The following NLGN1 variants were observed in gnomAD, a reference collection of about 807,000 sequenced individuals.
The protein encoded by NLGN1 is neuroligin-1.
NLGN1 carries 12 observed loss-of-function variants against 65.5 expected under a neutral mutation model. That is an observed-to-expected ratio of 0.18 (90% confidence interval 0.12 to 0.30). NLGN1 has a LOEUF of 0.30. Ranked by LOEUF, NLGN1 falls within the 10% of genes least tolerant of loss-of-function variation. The pLI is 1.00. For missense variants in NLGN1, 750 were observed against 1,007.1 expected, an observed-to-expected ratio of 0.74 and a Z score of 3.46; for synonymous variants, 350 against 359.5, an observed-to-expected ratio of 0.97 and a Z score of 0.30.
At chr3:173,567,908 A>G (rs917315126) in intron 2 of NLGN1, among the ~76,000 whole-genome samples, 2 of 152,256 alleles carry the variant, frequency 1.3e-5, no homozygotes, top group Admixed American at 1.3e-4. Flanking sequence ...CTGAAGATAA[A>G]TTAAACTATT....
chr3:174,133,108 C>A (rs1720519933), intron 4 of NLGN1, among the ~76,000 whole-genome samples: 1 of 152,318 alleles, frequency 6.6e-6, no homozygotes, highest in South Asian at 2.1e-4. Context: ...TTTAGCCTCA[C>A]TCCTTGATTT....
chr3:173,529,971 T>C (rs989604937), intron 2 of NLGN1, among the ~76,000 whole-genome samples: 3 of 151,828 alleles, frequency 2.0e-5, no homozygotes, highest in Non-Finnish European at 2.9e-5. Flanking sequence ...TTTTCCTTTT[T>C]TTTTTAGATA....
chr3:173,633,803 T>A (rs1756130581), intron 3 of NLGN1, among the ~76,000 whole-genome samples: 1 of 152,202 alleles, frequency 6.6e-6, no homozygotes, highest in Non-Finnish European at 1.5e-5. Context: ...CTTCTAATTA[T>A]CGTTTAGCAG....
intron 3 of NLGN1, among the ~76,000 whole-genome samples, chr3:173,768,977 C>G (rs1779179916): frequency 2.0e-5 from 3 of 152,026 alleles, no homozygotes; most frequent in Admixed American, 2.0e-4. Context: ...GCCATGTTGC[C>G]CAGGCTGGTG....
At position 173,678,888 on chromosome 3, in the gene NLGN1, A is replaced by G. The variant is rs562987695; in HGVS notation, c.493+73797A>G. Reference sequence around the variant, plus strand: ...GAAAAGATGGACCTATTTTATAGACATTTAGGAGAATTCCTTGCTTTACAA... The same window carrying G: ...GAAAAGATGGACCTATTTTATAGACGTTTAGGAGAATTCCTTGCTTTACAA... On this transcript the variant is annotated intron_variant, in intron 3 of 6. Transcript: ENST00000457714. Among the ~76,000 whole-genome samples the G allele has an allele frequency of 2.0e-5, 3 of 152,246 alleles. No homozygotes were observed. In the East Asian group the frequency reaches 5.8e-4, roughly 29 times the overall value.
At chr3:173,553,095 A>G (rs1368879478) in intron 2 of NLGN1, among the ~76,000 whole-genome samples, 2 of 152,172 alleles carry the variant, frequency 1.3e-5, no homozygotes, top group African/African-American at 4.8e-5. Flanking sequence ...TCACAAAGCT[A>G]TTCCTGACTT....
At chr3:173,658,635 C>A (rs541602512) in intron 3 of NLGN1, among the ~76,000 whole-genome samples, 2 of 152,084 alleles carry the variant, frequency 1.3e-5, no homozygotes, top group East Asian at 3.9e-4. Flanking sequence ...GCATCACAGC[C>A]TTCTTGCTAC....
intron 2 of NLGN1, among the ~76,000 whole-genome samples, chr3:173,496,146 C>T (rs1729991467): frequency 6.6e-6 from 1 of 151,742 alleles, no homozygotes; most frequent in Non-Finnish European, 1.5e-5. Context: ...GATTCCATCT[C>T]CTTCATTACC....
intron 3 of NLGN1, among the ~76,000 whole-genome samples, chr3:173,617,944 C>T (rs1260644511): frequency 6.6e-6 from 1 of 151,956 alleles, no homozygotes; most frequent in Non-Finnish European, 1.5e-5. Context: ...CTTGTTTTAC[C>T]ATCTACCTCT....
chr3:174,184,828 T>C (rs563290583), intron 4 of NLGN1, among the ~76,000 whole-genome samples: 1 of 152,092 alleles, frequency 6.6e-6, no homozygotes, highest in Non-Finnish European at 1.5e-5. Flanking sequence ...AGTAGAAAAG[T>C]TCTACCCAGA....
intron 4 of NLGN1, among the ~76,000 whole-genome samples, chr3:173,863,586 T>C (rs1729567918): frequency 6.6e-6 from 1 of 152,210 alleles, no homozygotes; most frequent in Admixed American, 6.5e-5. Flanking sequence ...ACAATAAGCC[T>C]CAGTCATGAT....
chr3:173,838,703 A>G (rs1416041647), intron 4 of NLGN1, among the ~76,000 whole-genome samples: 2 of 152,168 alleles, frequency 1.3e-5, no homozygotes, highest in Non-Finnish European at 2.9e-5. Context: ...AAAAGTGGGT[A>G]ATGATTTTGG....
intron 2 of NLGN1, among the ~76,000 whole-genome samples, chr3:173,507,548 A>G (rs1732232355): frequency 6.6e-6 from 1 of 152,140 alleles, no homozygotes; most frequent in South Asian, 2.1e-4. Context: ...TCAGCAAATT[A>G]GCAAGTAATC....
At chr3:174,150,910 A>G (rs993118832) in intron 4 of NLGN1, among the ~76,000 whole-genome samples, 5 of 152,082 alleles carry the variant, frequency 3.3e-5, no homozygotes, top group African/African-American at 1.2e-4. Flanking sequence ...CAATAATTAC[A>G]TCAACTACGT....
chr3:173,825,819 C>G (rs958182313), intron 4 of NLGN1, among the ~76,000 whole-genome samples: 11 of 152,028 alleles, frequency 7.2e-5, no homozygotes, highest in Non-Finnish European at 1.6e-4. Context: ...GATATGTTCT[C>G]TCTAGATCAC....
intron 3 of NLGN1, among the ~76,000 whole-genome samples, chr3:173,773,696 C>T (rs898422438): frequency 6.6e-6 from 1 of 152,150 alleles, no homozygotes; most frequent in Admixed American, 6.6e-5. Context: ...AACAAAAGGT[C>T]TCCCTTCTCA....
chr3:173,753,451 C>G (rs1456645111), intron 3 of NLGN1, among the ~76,000 whole-genome samples: 19 of 152,140 alleles, frequency 1.2e-4, no homozygotes, highest in Admixed American at 1.2e-3. Context: ...TCCTCTCATA[C>G]ACCATATCTA....
At chr3:174,132,097 A>C (rs1720322978) in intron 4 of NLGN1, among the ~76,000 whole-genome samples, 1 of 152,202 alleles carries the variant, frequency 6.6e-6, no homozygotes, top group South Asian at 2.1e-4. Flanking sequence ...TGAATATACA[A>C]GGAGACAATT....
chr3:174,032,538 G>C (rs1730236774), intron 4 of NLGN1, among the ~76,000 whole-genome samples: 2 of 152,156 alleles, frequency 1.3e-5, no homozygotes, highest in Admixed American at 1.3e-4. Flanking sequence ...GAATGGCAGG[G>C]ACATGGAAAT....
Sources: allele counts gnomAD v4.1 joint callset (sites outside exome capture counted in the v4.1 genomes callset), GRCh38; gene constraint gnomAD v4.1.1; transcripts MANE v1.5; gene names NCBI Gene and HGNC (gene_info 2026-07-23, HGNC 2026-07-21).